USP37: variants seen among roughly 807,000 people sequenced by gnomAD.
USP37 encodes the protein ubiquitin carboxyl-terminal hydrolase 37.
In USP37, 27 loss-of-function variants were observed where a neutral mutation model predicts 124.0. The observed-to-expected ratio is 0.22, with a 90% CI of 0.16 to 0.30. The LOEUF (loss-of-function observed/expected upper bound fraction) is 0.30, where lower values mean the gene tolerates loss of function less well. USP37 is among the 10% of genes least tolerant of loss of function. The probability of loss-of-function intolerance (pLI) is 1.00; values close to 1 mark genes in which losing one functional copy is unlikely to be tolerated. For synonymous variants in USP37, 365 were observed against 388.0 expected (o/e 0.94, Z 0.70); for missense variants, 889 against 1,140.4 (o/e 0.78, Z 3.17).
chr2:218,503,904 A>G (rs1021669165), intron 11 of USP37, among the ~76,000 whole-genome samples: 1 of 152,210 alleles, frequency 6.6e-6, no homozygotes, highest in Non-Finnish European at 1.5e-5. Flanking sequence ...AGCCTTATCC[A>G]TAATTGTGAA....
chr2:218,562,620 C>T (rs1246644650), intron 2 of USP37, 53 bp downstream of exon 2: 6 of 397,398 alleles, frequency 1.5e-5, no homozygotes, highest in Non-Finnish European at 2.2e-5. Context: ...TGTCAGTTCC[C>T]GCCAGATTGC....
chr2:218,463,576 C>A (rs752568427), intron 21 of USP37, among the ~76,000 whole-genome samples: 1 of 148,122 alleles, frequency 6.8e-6, no homozygotes, highest in Non-Finnish European at 1.5e-5. Context: ...CGCTCTGTCC[C>A]CCAGGCTGGA....
intron 8 of USP37, among the ~76,000 whole-genome samples, chr2:218,535,623 G>A (rs1288331352): frequency 3.3e-5 from 5 of 152,108 alleles, no homozygotes; most frequent in East Asian, 3.9e-4. Context: ...TTGGGAGGCC[G>A]AGGCAGGTGA....
chr2:218,470,154 G>T (rs571561254), intron 20 of USP37, among the ~76,000 whole-genome samples: 39 of 152,158 alleles, frequency 2.6e-4, no homozygotes, highest in Non-Finnish European at 4.7e-4. Context: ...TATACTGTTT[G>T]CTTCTTCCCC....
intron 16 of USP37, among the ~76,000 whole-genome samples, chr2:218,484,727 G>A (rs1244643743): frequency 9.2e-5 from 14 of 151,946 alleles, no homozygotes; most frequent in African/African-American, 2.7e-4. Flanking sequence ...GTCTCTAGGG[G>A]CTAGGTTCCA....
chr2:218,531,881 C>T (rs535476463), intron 9 of USP37, among the ~76,000 whole-genome samples: 1 of 152,330 alleles, frequency 6.6e-6, no homozygotes, highest in South Asian at 2.1e-4. Context: ...TTGCTGCAAT[C>T]TCATGATCAG....
At chr2:218,514,786 T>A (rs992665113) in intron 10 of USP37, among the ~76,000 whole-genome samples, 2 of 152,240 alleles carry the variant, frequency 1.3e-5, no homozygotes, top group Non-Finnish European at 2.9e-5. Flanking sequence ...ATTTTATTCC[T>A]ACAACCCTCT....
chr2:218,472,465 T>C (rs903762533), intron 20 of USP37, among the ~76,000 whole-genome samples: 1 of 151,518 alleles, frequency 6.6e-6, no homozygotes, highest in Non-Finnish European at 1.5e-5. Flanking sequence ...TGAATCTCTC[T>C]CTCTTTTTTT....
intron 8 of USP37, among the ~76,000 whole-genome samples, chr2:218,535,644 CAGG>C (rs1691588117): frequency 6.6e-6 from 1 of 151,976 alleles, no homozygotes. Flanking sequence ...ATCATGAGGT[CAGG>C]AGATCAAGAC....
intron 1 of USP37, among the ~76,000 whole-genome samples, chr2:218,567,297 C>G (rs1693667855): frequency 6.6e-6 from 1 of 152,132 alleles, no homozygotes; most frequent in South Asian, 2.1e-4. Context: ...GACGCATCCT[C>G]CTCTATTGGT....
chr2:218,467,957 C>T lies in USP37; in HGVS notation c.2300-1781G>A, dbSNP rs377736743. Reference sequence around the variant, plus strand: ...GGGTGGAGTGCAGCGGCACAATATCCGCTCACTGCAACCTCCACCTTCTAG... The same window carrying T: ...GGGTGGAGTGCAGCGGCACAATATCTGCTCACTGCAACCTCCACCTTCTAG... On this transcript the variant is annotated intron_variant, in intron 20 of 25. Transcript: ENST00000258399. Among the ~76,000 whole-genome samples, 14 of 150,920 alleles carry T rather than the reference C, an allele frequency of 9.3e-5. No individual in the cohort carries two copies. In the East Asian group the frequency reaches 2.3e-3, roughly 25 times the overall value.
In USP37 at chr2:218,542,346, T is replaced by C. The variant is rs533705150; in HGVS notation, c.680+3875A>G. On this transcript the variant is annotated intron_variant, in intron 8 of 25. Transcript: ENST00000258399. ...ACCTAGTGTTTAACAGACAGACTTCTAATTGGAACAACTGGGACTTCCCAA... is the reference window on the plus strand; with the variant it reads ...ACCTAGTGTTTAACAGACAGACTTCCAATTGGAACAACTGGGACTTCCCAA... Among the ~76,000 whole-genome samples, 3 of 152,322 alleles carry C rather than the reference T, an allele frequency of 2.0e-5. No individual in the cohort carries two copies. The East Asian group carries it at 5.8e-4, about 29-fold the overall frequency.
intron 4 of USP37, among the ~76,000 whole-genome samples, chr2:218,557,400 C>T (rs954824914): frequency 5.9e-5 from 9 of 151,846 alleles, no homozygotes; most frequent in South Asian, 2.1e-4. Flanking sequence ...TTTGATGAGG[C>T]GAACAATTAG....
intron 10 of USP37, among the ~76,000 whole-genome samples, chr2:218,526,243 T>A (rs1690956029): frequency 6.6e-6 from 1 of 152,120 alleles, no homozygotes; most frequent in African/African-American, 2.4e-5. Flanking sequence ...TTTATTTATT[T>A]TTTTTTTTGA....
intron 8 of USP37, among the ~76,000 whole-genome samples, chr2:218,535,665 G>A (rs1691590092): frequency 6.6e-6 from 1 of 151,974 alleles, no homozygotes; most frequent in African/African-American, 2.4e-5. Flanking sequence ...GACCATCCTG[G>A]TTAACACAGT....
intron 8 of USP37, among the ~76,000 whole-genome samples, chr2:218,539,305 C>G (rs748992685): frequency 6.6e-5 from 10 of 152,170 alleles, no homozygotes; most frequent in Non-Finnish European, 1.5e-4. Context: ...TGTGGCTGCA[C>G]TTTTGCAGTT....
chr2:218,506,119 C>T (rs1411521034), intron 11 of USP37, among the ~76,000 whole-genome samples: 1 of 151,970 alleles, frequency 6.6e-6, no homozygotes, highest in South Asian at 2.1e-4. Flanking sequence ...CCACCTCTGC[C>T]TCCCAAAGTG....
intron 20 of USP37, among the ~76,000 whole-genome samples, chr2:218,467,933 G>A (rs111241756): frequency 0.013 from 1,922 of 150,438 alleles, 47 homozygotes; most frequent in African/African-American, 0.045. Context: ...TGTCGCCCAG[G>A]GTGGAGTGCA....
intron 20 of USP37, among the ~76,000 whole-genome samples, chr2:218,471,349 G>C (rs1353423333): frequency 6.6e-6 from 1 of 152,292 alleles, no homozygotes; most frequent in South Asian, 2.1e-4. Flanking sequence ...AACCAAAATA[G>C]GGTAGAAGAA....
Sources: gnomAD v4.1 joint callset for allele counts (sites outside exome capture counted in the v4.1 genomes callset) on GRCh38, gnomAD v4.1.1 for gene constraint, MANE v1.5 for transcripts, NCBI Gene and HGNC (gene_info 2026-07-23, HGNC 2026-07-21) for gene names.